Variants in FOXF2 observed in about 807,000 individuals in gnomAD.
FOXF2 encodes forkhead box protein F2.
In FOXF2, 15 loss-of-function variants were observed where a neutral mutation model predicts 29.1. That is an observed-to-expected ratio of 0.52 (90% confidence interval 0.35 to 0.79). The LOEUF (loss-of-function observed/expected upper bound fraction) is 0.79, where lower values mean the gene tolerates loss of function less well. FOXF2 is among the 30% of genes least tolerant of loss of function. The probability of loss-of-function intolerance (pLI) is 0.01; values close to 1 mark genes in which losing one functional copy is unlikely to be tolerated. For synonymous variants in FOXF2, 337 were observed against 316.5 expected, an observed-to-expected ratio of 1.06 and a Z score of -0.69; for missense variants, 675 against 667.1, an observed-to-expected ratio of 1.01 and a Z score of -0.13.
chr6:1,395,181 G>T lies in FOXF2; in HGVS notation c.*322G>T. On this transcript the variant is annotated 3_prime_UTR_variant, in exon 2 of 2. Transcript: ENST00000645481. Reference sequence around the variant, plus strand: ...GATCTTCGTTGCCTTCAGTAATCAGGGTGTGAAAAAAGCAGACAAGTTGTG... The same window carrying T: ...GATCTTCGTTGCCTTCAGTAATCAGTGTGTGAAAAAAGCAGACAAGTTGTG... 1 of 381,480 alleles carries T rather than the reference G, an allele frequency of 2.6e-6. No individual in the cohort carries two copies. Among genetic ancestry groups the T allele is most frequent in the Non-Finnish European group, 4.9e-6 (1 of 203,902 alleles). The allele number at this position is 381,480 out of a possible 1,614,324, so 23.6% of individuals were successfully genotyped here.
In FOXF2 at chr6:1,391,130, C is replaced by A. The variant is rs975219258; in HGVS notation, c.1171+12C>A. On this transcript the variant is annotated intron_variant, in intron 1 of 1. Coordinates refer to ENST00000645481, the MANE Select transcript of FOXF2 (RefSeq NM_001452.2). Reference sequence around the variant, plus strand: ...CGAGGACCTCTCAGGTAACGCAGCACGCTCCAGCCCAGCCAGCTGGGCGCA... The same window carrying A: ...CGAGGACCTCTCAGGTAACGCAGCAAGCTCCAGCCCAGCCAGCTGGGCGCA... 3.1e-6 allele frequency: 5 copies of A among 1,599,580 alleles called. No homozygotes were observed. Among genetic ancestry groups the A allele is most frequent in the Non-Finnish European group, 4.2e-6 (5 of 1,179,708 alleles).
Position 1,390,615 on chromosome 6 carries a change from A to C in FOXF2, c.668A>C (p.Gln223Pro). The C allele has an allele frequency of 6.3e-7, 1 of 1,589,988 alleles. No homozygotes were observed. Among genetic ancestry groups the C allele is most frequent in the Non-Finnish European group, 8.5e-7 (1 of 1,175,280 alleles). Residue 223 changes from glutamine (Q) to proline (P), a missense_variant, in exon 1 of 2, where the codon CAG becomes CCG. Physicochemically the swap from Gln to Pro is moderately conservative, Grantham distance 76 (BLOSUM62 -1). This residue lies in a region of FOXF2 where 451 missense variants were observed against 437.2 expected (regional missense o/e 1.03). Transcript: ENST00000645481. The surrounding 1 kb of genome is among the most constrained non-coding windows in gnomAD (Gnocchi z 8.5). ...GLGFGASLLP[Q>P]GFDFQAPPSA... Reference sequence around the variant, plus strand: ...GGCTTCGGGGCGTCGCTGCTGCCCCAGGGCTTCGACTTCCAGGCGCCCCCG... The same window carrying C: ...GGCTTCGGGGCGTCGCTGCTGCCCCCGGGCTTCGACTTCCAGGCGCCCCCG...
Position 1,390,332 on chromosome 6 carries a change from T to G in FOXF2, c.385T>G (p.Phe129Val). ...KRLTLSEIYQ[F>V]LQARFPFFRG... Reference sequence around the variant, plus strand: ...CCTGACGCTCAGCGAGATCTACCAGTTCCTGCAGGCGCGCTTCCCCTTCTT... The same window carrying G: ...CCTGACGCTCAGCGAGATCTACCAGGTCCTGCAGGCGCGCTTCCCCTTCTT... The change falls in exon 1 of 2, where the codon TTC becomes GTC. Residue 129 changes from phenylalanine (F) to valine (V), a missense_variant. Transcript: ENST00000645481. The surrounding 1 kb of genome is among the most constrained non-coding windows in gnomAD (Gnocchi z 8.5). The G allele has an allele frequency of 6.2e-7, 1 of 1,613,362 alleles. No individual in the cohort carries two copies. The highest frequency in any genetic ancestry group is 8.5e-7 in the Non-Finnish European group (1 of 1,179,928).
At chr6:1,392,256 T>G (rs1006507946) in intron 1 of FOXF2, among the ~76,000 whole-genome samples, 4 of 152,124 alleles carry the variant, frequency 2.6e-5, no homozygotes, top group Non-Finnish European at 4.4e-5. Flanking sequence ...CTTTTAAATG[T>G]GGGTCTCAGA....
At chr6:1,391,809 G>A (rs980822024) in intron 1 of FOXF2, among the ~76,000 whole-genome samples, 11 of 152,144 alleles carry the variant, frequency 7.2e-5, no homozygotes, top group Non-Finnish European at 1.5e-4. Flanking sequence ...ACCCTGCTAG[G>A]ACTCCCCTGA....
Position 1,394,701 on chromosome 6 carries a change from C to A in FOXF2, c.1177C>A (p.Leu393Met), listed in dbSNP as rs747690002. 33 of 1,613,920 alleles carry A rather than the reference C, an allele frequency of 2.0e-5. No individual in the cohort carries two copies. The highest frequency in any genetic ancestry group is 1.6e-4 in the Middle Eastern group (1 of 6,084). Reference sequence around the variant, plus strand: ...TTTTTTCTTTCTTCTTTCAGTGGGACTGCCCCGTTACCAGCATCACTCTAC... The same window carrying A: ...TTTTTTCTTTCTTCTTTCAGTGGGAATGCCCCGTTACCAGCATCACTCTAC... Reference protein sequence around the residue: ...QNAREDLSVGLPRYQHHSTPV... With the variant: ...QNAREDLSVGMPRYQHHSTPV... The change falls in exon 2 of 2, where the codon CTG becomes ATG. Residue 393 changes from leucine (L) to methionine (M), a missense_variant. Physicochemically the swap from Leu to Met is conservative, Grantham distance 15 (BLOSUM62 2). Around this residue, in one of 3 missense-constraint regions of FOXF2, gnomAD observed 451 missense variants for 437.2 expected, o/e 1.03. Transcript: ENST00000645481.
chr6:1,391,139 C>G (rs770945499), intron 1 of FOXF2, 21 bp downstream of exon 1: 27 of 1,598,818 alleles, frequency 1.7e-5, no homozygotes, highest in Non-Finnish European at 2.3e-5. Flanking sequence ...ACGCTCCAGC[C>G]CAGCCAGCTG....
At position 1,390,075 on chromosome 6, in the gene FOXF2, A is replaced by C; in HGVS notation, c.128A>C (p.Glu43Ala). Residue 43 changes from glutamate (E) to alanine (A), a missense_variant, in exon 1 of 2, where the codon GAG (glutamate) becomes GCG (alanine). By Grantham distance (107) the Glu-to-Ala change is moderately radical. This residue lies in a region of FOXF2 where 220 missense variants were observed against 205.5 expected (regional missense o/e 1.07). Coordinates refer to ENST00000645481, the MANE Select transcript of FOXF2 (RefSeq NM_001452.2). The surrounding 1 kb of genome is among the most constrained non-coding windows in gnomAD (Gnocchi z 8.5). ...AAAAAAAAAPETTSSSSSSSS... is the reference protein window; with the variant it reads ...AAAAAAAAAPATTSSSSSSSS... ...GCCGCCGCCGCCGCCGCCGCCCCGGAGACCACCTCCTCCTCCTCGTCGTCG... is the reference window on the plus strand; with the variant it reads ...GCCGCCGCCGCCGCCGCCGCCCCGGCGACCACCTCCTCCTCCTCGTCGTCG... The C allele has an allele frequency of 7.2e-7, 1 of 1,387,012 alleles. No homozygotes were observed. Among genetic ancestry groups the C allele is most frequent in the Non-Finnish European group, 9.4e-7 (1 of 1,058,684 alleles). The allele number at this position is 1,387,012 out of a possible 1,614,324, so 85.9% of individuals were successfully genotyped here.
intron 1 of FOXF2, among the ~76,000 whole-genome samples, chr6:1,393,562 C>A (rs1308262491): frequency 6.6e-6 from 1 of 152,126 alleles, no homozygotes; most frequent in Non-Finnish European, 1.5e-5. Context: ...AGGAAGTAGG[C>A]AGCGGCCCCT....
At chr6:1,392,094 G>A (rs1317093848) in intron 1 of FOXF2, among the ~76,000 whole-genome samples, 1 of 152,126 alleles carries the variant, frequency 6.6e-6, no homozygotes, top group Non-Finnish European at 1.5e-5. Flanking sequence ...TCTCACACTG[G>A]CCTCCCACAG....
At chr6:1,393,819 GCA>G (rs1758845888) in intron 1 of FOXF2, among the ~76,000 whole-genome samples, 1 of 152,244 alleles carries the variant, frequency 6.6e-6, no homozygotes, top group Admixed American at 6.5e-5. Context: ...AGTGCGCAGG[GCA>G]CTGCGGGCCG....
chr6:1,391,283 G>A (rs1758784126), intron 1 of FOXF2, among the ~76,000 whole-genome samples, 165 bp downstream of exon 1: 1 of 152,254 alleles, frequency 6.6e-6, no homozygotes, highest in Admixed American at 6.5e-5. Context: ...CGTGGGAGCA[G>A]GGATCAGGGT....
intron 1 of FOXF2, among the ~76,000 whole-genome samples, chr6:1,394,123 C>T (rs930075734): frequency 5.3e-5 from 8 of 152,246 alleles, no homozygotes; most frequent in Non-Finnish European, 1.2e-4. Flanking sequence ...AAGAGGCGTG[C>T]TTTTCTGCCC....
Position 1,390,948 on chromosome 6 carries a change from C to G in FOXF2, c.1001C>G (p.Thr334Arg), listed in dbSNP as rs1266101315. ...GCCATCGAATGCCACTCGCCCTACA[C>G]GAGCCCTGCGGCGCACTGGAGCTCG... ...ASAIECHSPYTSPAAHWSSPG... is the reference protein window; with the variant it reads ...ASAIECHSPYRSPAAHWSSPG... The change falls in exon 1 of 2, where the codon ACG becomes AGG. Residue 334 changes from threonine to arginine, a missense_variant. By Grantham distance (71) the Thr-to-Arg change is moderately conservative. Transcript: ENST00000645481. This position sits in a 1 kb window ranked among gnomAD's most constrained non-coding sequence, Gnocchi z 8.5. The G allele has an allele frequency of 6.3e-7, 1 of 1,588,562 alleles. No homozygotes were observed. Among genetic ancestry groups the G allele is most frequent in the Non-Finnish European group, 8.5e-7 (1 of 1,175,014 alleles).
rs1758876166 is a variant in FOXF2, at chr6:1,395,021, C to T, written c.*162C>T. 2.8e-6 allele frequency: 2 copies of T among 713,846 alleles called. No homozygotes were observed. Among genetic ancestry groups the T allele is most frequent in the African/African-American group, 1.8e-5 (1 of 56,560 alleles). 44.2% of individuals were successfully genotyped at this position (713,846 alleles called of 1,614,324 possible). ...GATCGCGTTGGTCACTGTTATTTGC[C>T]TACTGCTGGAAGAAGGACAACCGCT... On this transcript the variant is annotated 3_prime_UTR_variant, in exon 2 of 2. Coordinates refer to ENST00000645481, the MANE Select transcript of FOXF2 (RefSeq NM_001452.2).
chr6:1,390,080 ACCT>A lies in FOXF2; in HGVS notation c.144_146del (p.Ser53del), dbSNP rs769821909. On this transcript the variant is annotated inframe_deletion, in exon 1 of 2. Coordinates refer to ENST00000645481, the MANE Select transcript of FOXF2 (RefSeq NM_001452.2). This position sits in a 1 kb window ranked among gnomAD's most constrained non-coding sequence, Gnocchi z 8.5. ...CGCCGCCGCCGCCGCCCCGGAGACC[ACCT>A]CCTCCTCCTCGTCGTCGTCCTCCGC... The A allele has an allele frequency of 1.8e-5, 25 of 1,411,408 alleles. No homozygotes were observed. The highest frequency in any genetic ancestry group is 8.5e-5 in the South Asian group (6 of 70,778). The allele number at this position is 1,411,408 out of a possible 1,614,324, so 87.4% of individuals were successfully genotyped here. A position where few individuals can be genotyped will look rare whatever the true frequency, so the allele number is the denominator to read the frequency against.
intron 1 of FOXF2, 42 bp from the exon 2 acceptor site, chr6:1,394,654 G>A: frequency 6.2e-7 from 1 of 1,607,654 alleles, no homozygotes; most frequent in Non-Finnish European, 8.5e-7. Context: ...TCCACTGGAT[G>A]ACTTTGTTTC....
chr6:1,390,576 T>C lies in FOXF2; in HGVS notation c.629T>C (p.Val210Ala). The C allele has an allele frequency of 6.2e-7, 1 of 1,601,030 alleles. No individual in the cohort carries two copies. The change falls in exon 1 of 2, where the codon GTG becomes GCG. Residue 210 changes from valine (V) to alanine (A), a missense_variant. Transcript: ENST00000645481. This position sits in a 1 kb window ranked among gnomAD's most constrained non-coding sequence, Gnocchi z 8.5. ...GCGCTCAAGCCCATGTACCACCGCG[T>C]GGTGAGCGGCTTGGGCTTCGGGGCG... ...CQALKPMYHR[V>A]VSGLGFGASL...
chr6:1,393,248 G>A (rs1456017274), intron 1 of FOXF2, among the ~76,000 whole-genome samples: 1 of 152,040 alleles, frequency 6.6e-6, no homozygotes, highest in Non-Finnish European at 1.5e-5. Flanking sequence ...TGCCCCTGCC[G>A]GCGCAGGGGC....
Sources: allele counts gnomAD v4.1 joint callset (sites outside exome capture counted in the v4.1 genomes callset), GRCh38; gene constraint gnomAD v4.1.1; regional missense constraint gnomAD v4.1.1; non-coding constraint Gnocchi (gnomAD v3.1); transcripts MANE v1.5; gene names NCBI Gene and HGNC (gene_info 2026-07-23, HGNC 2026-07-21).